The following SPATA9 variants were observed in gnomAD, a reference collection of about 807,000 sequenced individuals.
SPATA9 encodes spermatogenesis associated 9, also known as spermatogenesis-associated protein 9.
SPATA9 carries 27 observed loss-of-function variants against 25.5 expected under a neutral mutation model. The ratio of observed to expected loss-of-function variants is 1.06; its 90% CI spans 0.78 to 1.46. The LOEUF (loss-of-function observed/expected upper bound fraction) is 1.46. Among genes scored for constraint, SPATA9 ranks in the 40% most tolerant of loss-of-function variants. SPATA9 has a pLI of 0.00. For missense variants in SPATA9, 282 were observed against 297.5 expected (o/e 0.95, Z 0.38); for synonymous variants, 102 against 105.7 (o/e 0.97, Z 0.21).
chr5:95,657,048 G>A (rs1750803483), downstream of SPATA9: 2 of 152,124 alleles, frequency 1.3e-5, no homozygotes, highest in African/African-American at 4.8e-5. Context: ...CACAGCTGCT[G>A]CCCAGCCATG....
At chr5:95,721,084 A>G in the SPATA9 span, among the ~76,000 whole-genome samples, 1 of 152,268 alleles carries the variant, frequency 6.6e-6, no homozygotes, top group African/African-American at 2.4e-5. Context: ...TTAAATCAAT[A>G]AGGATACACT....
upstream of SPATA9, among the ~76,000 whole-genome samples, chr5:95,703,392 T>C (rs1754221216): frequency 2.0e-5 from 3 of 152,172 alleles, no homozygotes; most frequent in Non-Finnish European, 4.4e-5. Flanking sequence ...CCAGCACTTT[T>C]GGAGGCCGAG....
At chr5:95,718,451 G>A in the SPATA9 span, among the ~76,000 whole-genome samples, 1 of 152,212 alleles carries the variant, frequency 6.6e-6, no homozygotes, top group African/African-American at 2.4e-5. Flanking sequence ...TTAGCTAATT[G>A]TGGGAAGCTG....
chr5:95,653,970 TC>T (rs1403154818), downstream of SPATA9: 10 of 986,142 alleles, frequency 1.0e-5, no homozygotes, highest in Non-Finnish European at 1.5e-5. Context: ...TCTTGAAAAG[TC>T]CGAACTATTC....
chr5:95,691,862 T>C (rs1470827680), intron 1 of SPATA9, among the ~76,000 whole-genome samples: 4 of 152,188 alleles, frequency 2.6e-5, no homozygotes, highest in African/African-American at 7.2e-5. Flanking sequence ...ATTTAGTTTC[T>C]TTCTATGCCA....
At chr5:95,673,618 G>C (rs1238702004) in intron 3 of SPATA9, among the ~76,000 whole-genome samples, 1 of 152,158 alleles carries the variant, frequency 6.6e-6, no homozygotes, top group Non-Finnish European at 1.5e-5. Context: ...CTATAGGTTT[G>C]ACAATGCAAG....
the SPATA9 span, among the ~76,000 whole-genome samples, chr5:95,724,796 G>T: frequency 1.3e-5 from 2 of 152,108 alleles, no homozygotes; most frequent in African/African-American, 4.8e-5. Flanking sequence ...GATAATAATA[G>T]AACCTACTCC....
chr5:95,708,049 TATG>T, the SPATA9 span, among the ~76,000 whole-genome samples: 19 of 150,030 alleles, frequency 1.3e-4, 1 homozygote, highest in African/African-American at 4.6e-4. Flanking sequence ...AAGTTAATAG[TATG>T]ATGAGGAGAG....
At chr5:95,693,791 C>G (rs1753947601) in intron 1 of SPATA9, among the ~76,000 whole-genome samples, 1 of 152,116 alleles carries the variant, frequency 6.6e-6, no homozygotes. Flanking sequence ...AATCTGTAGT[C>G]ATCACTGTCT....
intron 1 of SPATA9, among the ~76,000 whole-genome samples, chr5:95,696,036 A>G (rs930807553): frequency 2.0e-5 from 3 of 152,220 alleles, no homozygotes; most frequent in African/African-American, 4.8e-5. Context: ...GCCAACAGCA[A>G]TGAAGACCTG....
At position 95,659,147 on chromosome 5, in the gene SPATA9, T is replaced by G. The variant is rs1017477878; in HGVS notation, c.475-234A>C. Reference sequence around the variant, plus strand: ...AACCTAGTATGCTTCAATAAATATATGTTTTACATCTTTTCCCCCCAATTC... The same window carrying G: ...AACCTAGTATGCTTCAATAAATATAGGTTTTACATCTTTTCCCCCCAATTC... On this transcript the variant is annotated intron_variant, in intron 4 of 4. Transcript: ENST00000274432. 2.0e-5 allele frequency among the ~76,000 whole-genome samples: 3 copies of G among 152,206 alleles called. No homozygotes were observed. The East Asian group carries it at 5.8e-4, about 29-fold the overall frequency.
intron 1 of SPATA9, chr5:95,698,461 C>T (rs1018534037): frequency 1.3e-5 from 2 of 152,156 alleles, no homozygotes; most frequent in Non-Finnish European, 2.9e-5. Flanking sequence ...TGTTATCTGG[C>T]CAGAAATGCA....
intron 1 of SPATA9, among the ~76,000 whole-genome samples, chr5:95,698,140 T>G (rs1489160386): frequency 2.0e-5 from 3 of 152,222 alleles, no homozygotes; most frequent in African/African-American, 7.2e-5. Flanking sequence ...GGGACTTTCA[T>G]TTGGGAAAAT....
downstream of SPATA9, chr5:95,655,382 A>G (rs1750684042): frequency 6.6e-6 from 1 of 152,206 alleles, no homozygotes; most frequent in Non-Finnish European, 1.5e-5. Context: ...TCAGTCCATA[A>G]TGAGAGCTTG....
At chr5:95,690,120 C>T (rs1283203327) in intron 1 of SPATA9, among the ~76,000 whole-genome samples, 1 of 151,890 alleles carries the variant, frequency 6.6e-6, no homozygotes, top group Non-Finnish European at 1.5e-5. Flanking sequence ...ATCTGTACAC[C>T]AAACCCCCAT....
At chr5:95,697,250 C>T (rs190525875) in intron 1 of SPATA9, among the ~76,000 whole-genome samples, 14 of 152,248 alleles carry the variant, frequency 9.2e-5, no homozygotes, top group Middle Eastern at 3.4e-3. Flanking sequence ...CAAGCTCACT[C>T]GTGTGCCTTT....
At chr5:95,652,314 T>A, downstream of SPATA9, 9 of 1,551,094 alleles carry the variant, frequency 5.8e-6, no homozygotes, top group Non-Finnish European at 7.8e-6. Context: ...TTCTTCCTTA[T>A]CTACACTTCC....
rs1336014231 is a variant in SPATA9, at chr5:95,697,531, T to A, written n.124+1057A>T. 5.3e-5 allele frequency among the ~76,000 whole-genome samples: 8 copies of A among 152,168 alleles called. No homozygotes were observed. The East Asian group carries it at 1.5e-3, about 29-fold the overall frequency. ...AGCCACAGTCATTTTATAACTAATC[T>A]CAGTATGATAGCTCATCACTAGAGA... On this transcript the variant is annotated intron_variant and non_coding_transcript_variant, in intron 1 of 2. Coordinates refer to the SPATA9 transcript ENST00000379990.
chr5:95,653,638 C>A (rs1231236861), downstream of SPATA9, among the ~76,000 whole-genome samples: 2 of 152,172 alleles, frequency 1.3e-5, no homozygotes, highest in Non-Finnish European at 2.9e-5. Context: ...GTGGCTCACG[C>A]CTGTAATCCC....
Sources: allele counts gnomAD v4.1 joint callset (sites outside exome capture counted in the v4.1 genomes callset), GRCh38; gene constraint gnomAD v4.1.1; transcripts MANE v1.5; gene names NCBI Gene and HGNC (gene_info 2026-07-23, HGNC 2026-07-21).